TCF7L2: variants seen among roughly 807,000 people sequenced by gnomAD.
TCF7L2 encodes the protein transcription factor 7 like 2, also known as transcription factor 7-like 2.
TCF7L2 carries 23 observed loss-of-function variants against 77.9 expected under a neutral mutation model. That is an observed-to-expected ratio of 0.30 (90% CI 0.21 to 0.42). The LOEUF (loss-of-function observed/expected upper bound fraction) is 0.42, where lower values mean the gene tolerates loss of function less well. TCF7L2 is among the 10% of genes least tolerant of loss of function. TCF7L2 has a pLI of 1.00. For synonymous variants in TCF7L2, 413 were observed against 340.2 expected (o/e 1.21, Z -2.36); for missense variants, 654 against 793.1 (o/e 0.82, Z 2.11).
intron 5 of TCF7L2, among the ~76,000 whole-genome samples, chr10:113,137,133 C>T (rs886262497): frequency 1.3e-5 from 2 of 151,750 alleles, no homozygotes; most frequent in Non-Finnish European, 2.9e-5. Context: ...AATTAAATAC[C>T]GCATTTTGAA....
rs141719303 is a variant in TCF7L2 at position 113,124,079 on chromosome 10, A to T, written c.553-17105A>T. 5.9e-5 allele frequency among the ~76,000 whole-genome samples: 9 copies of T among 152,260 alleles called. No homozygotes were observed. The East Asian group carries it at 1.7e-3, about 29-fold the overall frequency. ...AAACATTATGGGGTGTGTGGCAGAGATGACATCAGTGGCTATGGCAGGAGG... is the reference window on the plus strand; with the variant it reads ...AAACATTATGGGGTGTGTGGCAGAGTTGACATCAGTGGCTATGGCAGGAGG... On this transcript the variant is annotated intron_variant, in intron 5 of 13. Coordinates refer to ENST00000627217, the MANE Select transcript of TCF7L2 (RefSeq NM_001146274.2).
At chr10:113,159,826 C>CTTTTTT in intron 12 of TCF7L2, 94 bp from the exon 14 acceptor site, 1 of 219,756 alleles carries the variant, frequency 4.6e-6, no homozygotes, top group Non-Finnish European at 7.6e-6. Context: ...TTGTATCTTT[C>CTTTTTT]TCTTCCCCCC....
At chr10:112,965,005 A>C (rs187899258) in intron 4 of TCF7L2, among the ~76,000 whole-genome samples, 97 of 152,102 alleles carry the variant, frequency 6.4e-4, no homozygotes, top group African/African-American at 2.3e-3. Flanking sequence ...AGGGATCTTG[A>C]ATTGGGAGTA....
chr10:113,097,390 C>T lies in TCF7L2; in HGVS notation c.553-43794C>T, dbSNP rs144316078. Among the ~76,000 whole-genome samples the T allele has an allele frequency of 3.0e-3, 454 of 152,224 alleles. 2 individuals carry two copies. The highest frequency in any genetic ancestry group is 0.01 in the African/African-American group (428 of 41,554). On this transcript the variant is annotated intron_variant, in intron 5 of 13. Transcript: ENST00000627217. ...TGAGGAGGCCGGGCACGGTGGCTCA[C>T]GCCTATAATCCCAGCACTTTGGGAA... is the stretch of plus-strand genomic sequence containing the variant.
chr10:112,987,118 C>T (rs180844224), intron 4 of TCF7L2, among the ~76,000 whole-genome samples: 2 of 152,242 alleles, frequency 1.3e-5, no homozygotes, highest in African/African-American at 4.8e-5. Flanking sequence ...AAATACTTAC[C>T]GAGCATCTTC....
intron 4 of TCF7L2, among the ~76,000 whole-genome samples, chr10:113,011,998 C>T (rs1451996871): frequency 6.6e-6 from 1 of 152,066 alleles, no homozygotes; most frequent in Non-Finnish European, 1.5e-5. Context: ...AAGTATTGCT[C>T]TTGAGCGTTA....
At chr10:113,066,114 G>A (rs2057216928) in intron 5 of TCF7L2, among the ~76,000 whole-genome samples, 1 of 152,152 alleles carries the variant, frequency 6.6e-6, no homozygotes, top group Admixed American at 6.5e-5. Context: ...TGTAATCCCA[G>A]CACTTTGGGA....
intron 5 of TCF7L2, among the ~76,000 whole-genome samples, chr10:113,117,406 TC>T (rs2063911275): frequency 4.5e-4 from 24 of 53,702 alleles, no homozygotes; most frequent in Non-Finnish European, 7.5e-4. Context: ...TCTCTCTCTC[TC>T]TCTCTCTCTC....
intron 5 of TCF7L2, among the ~76,000 whole-genome samples, chr10:113,093,545 A>T (rs928355227): frequency 6.6e-6 from 1 of 152,208 alleles, no homozygotes; most frequent in Non-Finnish European, 1.5e-5. Flanking sequence ...CTACATTTCA[A>T]ATTCATTGTC....
chr10:113,070,269 T>TTATATATATATATATATATATATATATA (rs34181424), intron 5 of TCF7L2, among the ~76,000 whole-genome samples: 2 of 124,118 alleles, frequency 1.6e-5, no homozygotes, highest in African/African-American at 6.2e-5. Flanking sequence ...AAAAAAAAAT[T>TTATATATATATATATATATATATATATA]TATATATATA....
At position 113,125,154 on chromosome 10, in the gene TCF7L2, C is replaced by T. The variant is rs140003321; in HGVS notation, c.553-16030C>T. 6.7e-3 allele frequency among the ~76,000 whole-genome samples: 1,018 copies of T among 151,892 alleles called. 15 individuals carry two copies. Among genetic ancestry groups the T allele is most frequent in the African/African-American group, 0.023 (961 of 41,408 alleles). On this transcript the variant is annotated intron_variant, in intron 5 of 13. Transcript: ENST00000627217. ...ATTTACTGTGCTGTCTTTCCTGAGC[C>T]GCTACAGTAAAAGTGAAGACATGGA... is the stretch of plus-strand genomic sequence containing the variant.
intron 2 of TCF7L2, 26 bp from the exon 3 acceptor site, chr10:112,951,457 G>C (rs374886764): frequency 7.2e-7 from 1 of 1,398,592 alleles, no homozygotes; most frequent in Non-Finnish European, 9.5e-7. Flanking sequence ...GGCCGCCGCT[G>C]TCCCCTCGCC....
intron 5 of TCF7L2, among the ~76,000 whole-genome samples, chr10:113,074,499 A>G (rs1178319922): frequency 6.6e-6 from 1 of 152,178 alleles, no homozygotes; most frequent in East Asian, 1.9e-4. Flanking sequence ...CACTTCATAC[A>G]TTTATAAATA....
At chr10:113,055,866 C>G (rs2055283860) in intron 5 of TCF7L2, among the ~76,000 whole-genome samples, 1 of 152,206 alleles carries the variant, frequency 6.6e-6, no homozygotes, top group Non-Finnish European at 1.5e-5. Flanking sequence ...ATAGTTGGTG[C>G]AGGAATTCTG....
intron 5 of TCF7L2, among the ~76,000 whole-genome samples, chr10:113,110,393 G>A (rs1478753362): frequency 1.1e-5 from 1 of 87,606 alleles, no homozygotes; most frequent in Non-Finnish European, 2.4e-5. Context: ...TTTTTTTTAC[G>A]AATTTTTTTC....
At chr10:113,037,317 G>C (rs988917283) in intron 4 of TCF7L2, among the ~76,000 whole-genome samples, 5 of 152,158 alleles carry the variant, frequency 3.3e-5, no homozygotes, top group African/African-American at 1.2e-4. Flanking sequence ...AGTTGCACTG[G>C]GAAGGAGAGT....
chr10:112,962,540 A>G (rs1161555493), intron 3 of TCF7L2, among the ~76,000 whole-genome samples: 1 of 152,120 alleles, frequency 6.6e-6, no homozygotes, highest in Non-Finnish European at 1.5e-5. Flanking sequence ...CACAAAGGAG[A>G]TAGGGACAAA....
intron 4 of TCF7L2, among the ~76,000 whole-genome samples, chr10:112,993,871 A>G (rs558793363): frequency 6.6e-6 from 1 of 152,268 alleles, no homozygotes; most frequent in East Asian, 1.9e-4. Context: ...CTTGGCCAAC[A>G]TGGTAAAACT....
intron 5 of TCF7L2, among the ~76,000 whole-genome samples, chr10:113,058,353 G>T (rs147227064): frequency 6.6e-6 from 1 of 152,142 alleles, no homozygotes; most frequent in East Asian, 1.9e-4. Context: ...ATGAAGAGGG[G>T]GTGGGGAATC....
Sources: gnomAD v4.1 joint callset for allele counts (sites outside exome capture counted in the v4.1 genomes callset) on GRCh38, gnomAD v4.1.1 for gene constraint, MANE v1.5 for transcripts, NCBI Gene and HGNC (gene_info 2026-07-23, HGNC 2026-07-21) for gene names.